The following SLC9A9 variants were observed in gnomAD, a reference collection of about 807,000 sequenced individuals.
SLC9A9 encodes the protein solute carrier family 9 member A9.
Under a neutral mutation model 77.8 loss-of-function variants are expected in SLC9A9, and 62 were observed. That is an observed-to-expected ratio of 0.80 (90% CI 0.65 to 0.98). SLC9A9 has a LOEUF of 0.98. SLC9A9 is among the 50% of genes least tolerant of loss of function. The pLI, the probability that SLC9A9 is intolerant of heterozygous loss-of-function variation, is 0.00. For synonymous variants in SLC9A9, 320 were observed against 283.5 expected (o/e 1.13, Z -1.29); for missense variants, 775 against 774.9 (o/e 1.00, Z 0.00).
chr3:143,542,225 G>T (rs1481234813), intron 9 of SLC9A9, among the ~76,000 whole-genome samples: 1 of 152,128 alleles, frequency 6.6e-6, no homozygotes, highest in Non-Finnish European at 1.5e-5. Flanking sequence ...CACCAGCTTA[G>T]CTAAGGAGAA....
At chr3:143,827,201 T>C (rs746415811) in intron 2 of SLC9A9, among the ~76,000 whole-genome samples, 21 of 152,224 alleles carry the variant, frequency 1.4e-4, no homozygotes, top group Admixed American at 5.2e-4. Context: ...TGCAAAGCTA[T>C]CATGTAATAG....
chr3:143,382,478 C>T (rs186002129), intron 12 of SLC9A9, among the ~76,000 whole-genome samples: 1 of 152,200 alleles, frequency 6.6e-6, no homozygotes, highest in East Asian at 1.9e-4. Flanking sequence ...AACCATTGAC[C>T]AAAATGCCCT....
chr3:143,776,022 A>AT (rs2007677133), intron 4 of SLC9A9, among the ~76,000 whole-genome samples: 1 of 152,218 alleles, frequency 6.6e-6, no homozygotes, highest in Non-Finnish European at 1.5e-5. Flanking sequence ...TCTGGCTTAT[A>AT]TGCAAATCCT....
At chr3:143,618,893 A>G (rs1028827786) in intron 6 of SLC9A9, among the ~76,000 whole-genome samples, 1 of 152,242 alleles carries the variant, frequency 6.6e-6, no homozygotes, top group African/African-American at 2.4e-5. Context: ...GGTTTAGACC[A>G]TTCTTCTGAA....
chr3:143,554,223 T>C (rs973018648), intron 8 of SLC9A9, among the ~76,000 whole-genome samples: 3 of 152,194 alleles, frequency 2.0e-5, no homozygotes, highest in Non-Finnish European at 4.4e-5. Flanking sequence ...GGGACTAAGA[T>C]TGTCTGAATA....
At chr3:143,819,302 A>C (rs1417415489) in intron 2 of SLC9A9, among the ~76,000 whole-genome samples, 1 of 152,226 alleles carries the variant, frequency 6.6e-6, no homozygotes, top group Non-Finnish European at 1.5e-5. Context: ...ATACATACAA[A>C]ATTGACAGAT....
At chr3:143,544,619 T>C (rs1024865951) in intron 9 of SLC9A9, among the ~76,000 whole-genome samples, 2 of 152,180 alleles carry the variant, frequency 1.3e-5, no homozygotes, top group Admixed American at 6.5e-5. Context: ...ATGTAGGTTG[T>C]CTGTTTACTT....
intron 13 of SLC9A9, among the ~76,000 whole-genome samples, chr3:143,380,346 A>T (rs1006440221): frequency 6.6e-6 from 1 of 152,208 alleles, no homozygotes; most frequent in African/African-American, 2.4e-5. Context: ...AGTATATGTG[A>T]TTGTAGAATA....
intron 12 of SLC9A9, among the ~76,000 whole-genome samples, chr3:143,403,887 G>T (rs566107329): frequency 2.0e-5 from 3 of 152,072 alleles, no homozygotes; most frequent in Non-Finnish European, 2.9e-5. Flanking sequence ...GAGGTTTTCA[G>T]CCATTATTCC....
At chr3:143,280,282 C>A (rs961089530) in intron 14 of SLC9A9, among the ~76,000 whole-genome samples, 7 of 152,180 alleles carry the variant, frequency 4.6e-5, no homozygotes, top group African/African-American at 1.7e-4. Flanking sequence ...CACACACTTC[C>A]CACCCCAGCA....
chr3:143,673,718 GACA>G (rs2039193779), intron 5 of SLC9A9, among the ~76,000 whole-genome samples: 2 of 151,804 alleles, frequency 1.3e-5, no homozygotes, highest in Non-Finnish European at 2.9e-5. Context: ...AAGACTTTCT[GACA>G]ACATTTCCTA....
intron 14 of SLC9A9, among the ~76,000 whole-genome samples, chr3:143,275,430 T>G (rs560048756): frequency 6.6e-6 from 1 of 152,334 alleles, no homozygotes; most frequent in South Asian, 2.1e-4. Flanking sequence ...TTCAAGCTCG[T>G]TTTTAGGAGC....
chr3:143,752,135 A>C (rs898469495), intron 4 of SLC9A9, among the ~76,000 whole-genome samples: 6 of 152,192 alleles, frequency 3.9e-5, no homozygotes, highest in African/African-American at 1.2e-4. Context: ...GAGTTCTCAG[A>C]AATCTCCTCA....
intron 5 of SLC9A9, among the ~76,000 whole-genome samples, chr3:143,684,582 A>C (rs1009288494): frequency 1.3e-5 from 2 of 152,088 alleles, no homozygotes; most frequent in African/African-American, 4.8e-5. Flanking sequence ...AAGAGAAAAC[A>C]GTAATGGGTG....
At chr3:143,781,805 C>T (rs773767478) in intron 4 of SLC9A9, among the ~76,000 whole-genome samples, 1 of 152,148 alleles carries the variant, frequency 6.6e-6, no homozygotes, top group Non-Finnish European at 1.5e-5. Flanking sequence ...GATAATGTAG[C>T]TTGCCTTTTG....
chr3:143,597,040 T>C (rs2108683526), intron 6 of SLC9A9, among the ~76,000 whole-genome samples: 1 of 152,274 alleles, frequency 6.6e-6, no homozygotes, highest in East Asian at 1.9e-4. Context: ...ACCTTCTTCA[T>C]GTTCAGTAAA....
intron 9 of SLC9A9, chr3:143,503,574 A>T: frequency 2.4e-6 from 1 of 418,190 alleles, no homozygotes; most frequent in Non-Finnish European, 4.7e-6. Flanking sequence ...CAGTGGGAAC[A>T]TGGAAGGATA....
intron 11 of SLC9A9, among the ~76,000 whole-genome samples, chr3:143,476,051 T>G (rs1371922671): frequency 2.4e-5 from 3 of 124,710 alleles, no homozygotes; most frequent in African/African-American, 5.1e-5. Flanking sequence ...AACCCTGGTT[T>G]GGGTCTAGAA....
rs540879490 is a variant in SLC9A9 at position 143,354,871 on chromosome 3, G to A, written c.1604+8613C>T. 2.0e-5 allele frequency among the ~76,000 whole-genome samples: 3 copies of A among 152,216 alleles called. No homozygotes were observed. The South Asian group carries it at 6.2e-4, about 32-fold the overall frequency. On this transcript the variant is annotated intron_variant, in intron 14 of 15. Transcript: ENST00000316549. ...AAAACACCATGGCTTCACCTGAAAG[G>A]TGCAATTGAAAGATTTCCTTTATCA...
Sources: gnomAD v4.1 joint callset for allele counts (sites outside exome capture counted in the v4.1 genomes callset) on GRCh38, gnomAD v4.1.1 for gene constraint, MANE v1.5 for transcripts, NCBI Gene and HGNC (gene_info 2026-07-23, HGNC 2026-07-21) for gene names.